Variants in SLC4A1AP observed in about 807,000 individuals in gnomAD.
SLC4A1AP encodes the protein solute carrier family 4 member 1 adaptor protein.
In SLC4A1AP, 64 loss-of-function variants were observed where a neutral mutation model predicts 89.7. The ratio of observed to expected loss-of-function variants is 0.71; its 90% CI spans 0.58 to 0.88. SLC4A1AP has a LOEUF of 0.88. SLC4A1AP is among the 40% of genes least tolerant of loss of function. SLC4A1AP has a pLI of 0.00. For synonymous variants in SLC4A1AP, 366 were observed against 353.3 expected (o/e 1.04, Z -0.40); for missense variants, 931 against 965.0 (o/e 0.96, Z 0.47).
At chr2:27,672,348 G>T (rs1675438318) in intron 5 of SLC4A1AP, among the ~76,000 whole-genome samples, 1 of 150,686 alleles carries the variant, frequency 6.6e-6, no homozygotes, top group Non-Finnish European at 1.5e-5. Context: ...AGAGATTTCT[G>T]CACCTTTATC....
chr2:27,675,735 A>G, intron 6 of SLC4A1AP, 43 bp downstream of exon 6: 1 of 1,305,114 alleles, frequency 7.7e-7, no homozygotes, highest in Non-Finnish European at 1.0e-6. Flanking sequence ...TTAATAGTTT[A>G]ATTTTTAATA....
intron 6 of SLC4A1AP, among the ~76,000 whole-genome samples, chr2:27,676,685 A>T (rs1436483034): frequency 1.3e-5 from 2 of 151,258 alleles, no homozygotes; most frequent in Non-Finnish European, 2.9e-5. Context: ...CAAAAATTAG[A>T]CAGGCGTGGT....
At position 27,682,521 on chromosome 2, in the gene SLC4A1AP, ATTCTT is replaced by A. The variant is rs1370186633; in HGVS notation, c.1875+165_1875+169del. ...ATCTTTCCCAGAACTTGGTTCTTGG[ATTCTT>A]TTTTTTTTTTTTTTTTGGAGACAGA... is the stretch of plus-strand genomic sequence containing the variant. On this transcript the variant is annotated intron_variant, in intron 9 of 13. Transcript: ENST00000613058. Among the ~76,000 whole-genome samples, 106 of 139,080 alleles carry A rather than the reference ATTCTT, an allele frequency of 7.6e-4. 4 individuals carry two copies. The highest frequency in any genetic ancestry group is 3.8e-3 in the Middle Eastern group (1 of 266). 91.2% of individuals were successfully genotyped at this position (139,080 alleles called of 152,430 possible).
intron 5 of SLC4A1AP, among the ~76,000 whole-genome samples, chr2:27,671,413 A>G (rs1168007879): frequency 6.6e-6 from 1 of 151,982 alleles, no homozygotes; most frequent in Non-Finnish European, 1.5e-5. Flanking sequence ...TTTGCTTTTC[A>G]TGTGTTTGGG....
At chr2:27,693,895 A>G (rs995383259) in intron 13 of SLC4A1AP, 141 bp downstream of exon 13, 2 of 523,660 alleles carry the variant, frequency 3.8e-6, no homozygotes, top group East Asian at 3.4e-5. Flanking sequence ...TCCTTATTCA[A>G]ACAAACAACT....
rs1167161575 is a variant in SLC4A1AP at position 27,690,283 on chromosome 2, A to AT, written c.2271+1522dup. Among the ~76,000 whole-genome samples the AT allele has an allele frequency of 1.6e-4, 24 of 152,118 alleles. No individual in the cohort carries two copies. The South Asian group carries it at 5.0e-3, about 32-fold the overall frequency. On this transcript the variant is annotated intron_variant, in intron 12 of 13. Transcript: ENST00000613058. ...TAGTGTACATTGTACCCAATATGCAATTTTTTATTCCTCATCCCCTTCCCA... is the reference window on the plus strand; with the variant it reads ...TAGTGTACATTGTACCCAATATGCAATTTTTTTATTCCTCATCCCCTTCCCA...
At chr2:27,666,039 C>T (rs1188873503) in intron 2 of SLC4A1AP, among the ~76,000 whole-genome samples, 1 of 152,016 alleles carries the variant, frequency 6.6e-6, no homozygotes, top group East Asian at 1.9e-4. Context: ...TGGCTAGTTG[C>T]AATTGATGTG....
chr2:27,665,484 A>G (rs910745831), intron 2 of SLC4A1AP, among the ~76,000 whole-genome samples, 189 bp downstream of exon 2: 1 of 152,228 alleles, frequency 6.6e-6, no homozygotes, highest in African/African-American at 2.4e-5. Context: ...AAATTGACTT[A>G]TAGGCACTTT....
rs375857277 is a variant in SLC4A1AP at position 27,678,498 on chromosome 2, A to G, written c.1763+574A>G. ...CAGTGAGCTGTGATCGTGCCATTGCACTCCAGCATGGGTGACAGAGGAAGT... is the reference window on the plus strand; with the variant it reads ...CAGTGAGCTGTGATCGTGCCATTGCGCTCCAGCATGGGTGACAGAGGAAGT... On this transcript the variant is annotated intron_variant, in intron 8 of 13. Transcript: ENST00000613058. Among the ~76,000 whole-genome samples, 49 of 151,964 alleles carry G rather than the reference A, an allele frequency of 3.2e-4. 1 individual carries two copies. The highest frequency in any genetic ancestry group is 1.2e-3 in the African/African-American group (49 of 41,454).
intron 8 of SLC4A1AP, among the ~76,000 whole-genome samples, chr2:27,680,818 A>T (rs373235616): frequency 1.0e-4 from 14 of 137,344 alleles, no homozygotes; most frequent in Admixed American, 4.3e-4. Flanking sequence ...AACAACAACA[A>T]CATTTGGGGC....
intron 9 of SLC4A1AP, among the ~76,000 whole-genome samples, chr2:27,684,426 T>C: frequency 7.4e-6 from 1 of 136,038 alleles, no homozygotes; most frequent in Non-Finnish European, 1.5e-5. Flanking sequence ...AGACTCTGTC[T>C]CAAAAAAAAA....
intron 8 of SLC4A1AP, among the ~76,000 whole-genome samples, chr2:27,681,970 T>C (rs982489451): frequency 2.0e-5 from 3 of 152,202 alleles, no homozygotes; most frequent in Admixed American, 1.3e-4. Flanking sequence ...ACCTTTGTAC[T>C]GTAGTCATTT....
exon 10 of SLC4A1AP, chr2:27,685,083 T>A (rs778928817): frequency 1.2e-6 from 2 of 1,613,334 alleles, no homozygotes; most frequent in South Asian, 2.2e-5. Context: ...CTAATGAGAA[T>A]GAAAGATGAG....
rs1675548990 is a variant in SLC4A1AP, at chr2:27,677,814, T to C, written c.1653T>C (p.Gly551=). The change falls in exon 8 of 14, where the codon GGT becomes GGC. Residue 551 remains glycine (G), a synonymous_variant. Coordinates refer to ENST00000613058, the Ensembl canonical transcript of SLC4A1AP. ...TGAAATCAGGCAGTACATTAGATGG[T>C]GTGTCCCGGAAGAAACTTCACCTGA... 7 of 1,613,818 alleles carry C rather than the reference T, an allele frequency of 4.3e-6. No homozygotes were observed. The East Asian group carries it at 1.6e-4, about 36-fold the overall frequency.
Position 27,682,353 on chromosome 2 carries a change from AG to A in SLC4A1AP, c.1870del (p.Val624Ter). On this transcript the variant is annotated frameshift_variant, in exon 9 of 14. Coordinates refer to ENST00000613058, the Ensembl canonical transcript of SLC4A1AP. LOFTEE classifies it high-confidence loss of function. Reference sequence around the variant, plus strand: ...GCAAATTCAAATTAAAAACTGGAACAGTAGGGGTAAGTTGTGAGTCAGGGTG... The same window carrying A: ...GCAAATTCAAATTAAAAACTGGAACATAGGGGTAAGTTGTGAGTCAGGGTG... 1.3e-6 allele frequency: 2 copies of A among 1,598,994 alleles called. No homozygotes were observed. The highest frequency in any genetic ancestry group is 4.5e-5 in the East Asian group (2 of 44,786).
intron 11 of SLC4A1AP, among the ~76,000 whole-genome samples, chr2:27,688,318 A>G (rs1675739190): frequency 6.6e-6 from 1 of 152,168 alleles, no homozygotes; most frequent in South Asian, 2.1e-4. Flanking sequence ...TACATCTCCC[A>G]AAGTCAAATA....
intron 9 of SLC4A1AP, among the ~76,000 whole-genome samples, chr2:27,684,153 G>A (rs762026988): frequency 2.6e-5 from 4 of 152,068 alleles, no homozygotes; most frequent in Admixed American, 6.6e-5. Context: ...TAGGCCGGGC[G>A]CGGTGGCTCA....
At chr2:27,674,713 A>AT (rs71401579) in intron 5 of SLC4A1AP, among the ~76,000 whole-genome samples, 8,923 of 117,988 alleles carry the variant, frequency 0.076, 314 homozygotes, top group Middle Eastern at 0.12. Flanking sequence ...TTCCTCATTG[A>AT]TTTTTTTTTT....
In SLC4A1AP at chr2:27,664,195, C is replaced by G. The variant is rs1210315762; in HGVS notation, c.443C>G (p.Pro148Arg). The stretch of plus-strand genomic sequence containing the variant: ...ACAGCGGTTTCTTCCCCTGGCGGTC[C>G]AGCCCGGGCTCCCCCCTACCAAGAG... Residue 148 changes from proline (P) to arginine (R), a missense_variant, in exon 1 of 14, where the codon CCA becomes CGA. Transcript: ENST00000613058. 5 of 1,614,044 alleles carry G rather than the reference C, an allele frequency of 3.1e-6. No individual in the cohort carries two copies. In the African/African-American group the frequency reaches 6.7e-5, roughly 22 times the overall value.
Sources: gnomAD v4.1 joint callset for allele counts (sites outside exome capture counted in the v4.1 genomes callset) on GRCh38, gnomAD v4.1.1 for gene constraint, MANE v1.5 for transcripts, NCBI Gene and HGNC (gene_info 2026-07-23, HGNC 2026-07-21) for gene names.